Variants in KLF12 observed in about 807,000 individuals in gnomAD.
KLF12 encodes the protein Krueppel-like factor 12.
In KLF12, 9 loss-of-function variants were observed where a neutral mutation model predicts 37.8. The observed-to-expected ratio is 0.24, with a 90% CI of 0.14 to 0.42. The LOEUF (loss-of-function observed/expected upper bound fraction) is 0.42, where lower values mean the gene tolerates loss of function less well. Among genes scored for constraint, KLF12 ranks in the 10% least tolerant of loss-of-function variants. The pLI, the probability that KLF12 is intolerant of heterozygous loss-of-function variation, is 1.00. For synonymous variants in KLF12, 208 were observed against 202.1 expected (o/e 1.03, Z -0.25); for missense variants, 411 against 516.0 (o/e 0.80, Z 1.97).
the KLF12 span, among the ~76,000 whole-genome samples, chr13:74,271,875 C>A: frequency 6.6e-6 from 1 of 152,180 alleles, no homozygotes; most frequent in Admixed American, 6.5e-5. Flanking sequence ...GGTGACCAGA[C>A]TCTAGCTAGG....
At chr13:74,120,956 AC>A (rs1400608207) in intron 1 of KLF12, among the ~76,000 whole-genome samples, 1 of 152,164 alleles carries the variant, frequency 6.6e-6, no homozygotes, top group East Asian at 1.9e-4. Flanking sequence ...GATACAGGTG[AC>A]TATGAGGGAA....
In KLF12 at chr13:74,027,001, G is replaced by A. The variant is rs377167188; in HGVS notation, c.-31-31948C>T. On this transcript the variant is annotated intron_variant, in intron 1 of 7. Transcript: ENST00000377669. Reference sequence around the variant, plus strand: ...GTGCCACTGAAGTGCAAATTCACACGGTGGGGAAGCTGCAGGGCTGGAGCA... The same window carrying A: ...GTGCCACTGAAGTGCAAATTCACACAGTGGGGAAGCTGCAGGGCTGGAGCA... Among the ~76,000 whole-genome samples the A allele has an allele frequency of 1.1e-4, 17 of 152,212 alleles. No individual in the cohort carries two copies. In the East Asian group the frequency reaches 2.3e-3, roughly 21 times the overall value.
rs1223815789 is a variant in KLF12, at chr13:73,888,635, A to G, written c.124-42262T>C. ...GTAAGTAATCATCCAAAAAAATAAGAAAAAGATATATGCACATATCTTATT... is the reference window on the plus strand; with the variant it reads ...GTAAGTAATCATCCAAAAAAATAAGGAAAAGATATATGCACATATCTTATT... On this transcript the variant is annotated intron_variant, in intron 3 of 7. Coordinates refer to ENST00000377669, the MANE Select transcript of KLF12 (RefSeq NM_007249.5). 2.6e-5 allele frequency among the ~76,000 whole-genome samples: 4 copies of G among 152,368 alleles called. No homozygotes were observed. In the East Asian group the frequency reaches 7.7e-4, roughly 29 times the overall value.
chr13:74,112,556 C>A (rs1877044376), intron 1 of KLF12, among the ~76,000 whole-genome samples: 1 of 152,062 alleles, frequency 6.6e-6, no homozygotes, highest in African/African-American at 2.4e-5. Flanking sequence ...TCTATTATTG[C>A]ATCTGTATTG....
At chr13:73,702,002 A>G (rs1386874454) in intron 7 of KLF12, among the ~76,000 whole-genome samples, 1 of 152,064 alleles carries the variant, frequency 6.6e-6, no homozygotes, top group Non-Finnish European at 1.5e-5. Context: ...AAATGTTAAA[A>G]AAGACGACAT....
intron 1 of KLF12, among the ~76,000 whole-genome samples, chr13:74,041,464 C>T (rs1482817467): frequency 6.6e-6 from 1 of 152,078 alleles, no homozygotes; most frequent in South Asian, 2.1e-4. Flanking sequence ...ATGAAACTGG[C>T]TTCCAACATT....
At position 73,698,843 on chromosome 13, in the gene KLF12, GT is replaced by G. The variant is rs150265963; in HGVS notation, c.1028-3173del. Among the ~76,000 whole-genome samples, 39 of 152,144 alleles carry G rather than the reference GT, an allele frequency of 2.6e-4. No individual in the cohort carries two copies. The East Asian group carries it at 7.5e-3, about 29-fold the overall frequency. On this transcript the variant is annotated intron_variant, in intron 7 of 7. Transcript: ENST00000377669. ...TAAGAGATGGCCATCTCTGCTTTTT[GT>G]AAGCTTCGTGAATATGTTAGCTTAT... is the stretch of plus-strand genomic sequence containing the variant.
the KLF12 span, among the ~76,000 whole-genome samples, chr13:74,245,291 GTTTA>G: frequency 1.4e-5 from 2 of 139,610 alleles, no homozygotes; most frequent in South Asian, 4.7e-4. Flanking sequence ...TGGGAGATAA[GTTTA>G]TCTATCTATC....
intron 1 of KLF12, among the ~76,000 whole-genome samples, chr13:74,024,658 T>G (rs372567103): frequency 6.6e-6 from 1 of 152,220 alleles, no homozygotes; most frequent in African/African-American, 2.4e-5. Flanking sequence ...TATAAAATAA[T>G]TGACAATATT....
At chr13:74,179,802 A>G in the KLF12 span, among the ~76,000 whole-genome samples, 12 of 152,318 alleles carry the variant, frequency 7.9e-5, no homozygotes, top group Admixed American at 2.6e-4. Context: ...TTGCTTTAAT[A>G]TGTCCTAAGA....
chr13:74,150,437 G>C, the KLF12 span, among the ~76,000 whole-genome samples: 3 of 152,192 alleles, frequency 2.0e-5, no homozygotes, highest in Non-Finnish European at 4.4e-5. Context: ...TCACAAATGT[G>C]ATGTCTTTTC....
At chr13:73,994,898 A>C (rs1299316464) in intron 2 of KLF12, 92 bp downstream of exon 2, 2 of 840,360 alleles carry the variant, frequency 2.4e-6, no homozygotes, top group African/African-American at 1.7e-5. Context: ...TCGTATTCAC[A>C]CAAGAAGGTA....
chr13:73,935,690 G>A (rs923365135), intron 3 of KLF12, among the ~76,000 whole-genome samples: 2 of 151,802 alleles, frequency 1.3e-5, no homozygotes, highest in Non-Finnish European at 2.9e-5. Context: ...TGCAGTGATG[G>A]GATCTTGGCT....
chr13:74,000,516 T>C (rs1471631977), intron 1 of KLF12, among the ~76,000 whole-genome samples: 1 of 152,182 alleles, frequency 6.6e-6, no homozygotes, highest in Non-Finnish European at 1.5e-5. Context: ...TGTCCCCCAT[T>C]TCCAGTTTTA....
At chr13:73,703,216 A>G (rs948067612) in intron 7 of KLF12, among the ~76,000 whole-genome samples, 4 of 152,004 alleles carry the variant, frequency 2.6e-5, no homozygotes, top group Admixed American at 1.3e-4. Flanking sequence ...AATAATACCC[A>G]CTCAATAAAG....
chr13:73,826,236 G>T (rs1883838086), intron 4 of KLF12, among the ~76,000 whole-genome samples: 1 of 151,838 alleles, frequency 6.6e-6, no homozygotes, highest in South Asian at 2.1e-4. Flanking sequence ...GCCTCCCAAA[G>T]TGCTGGGATT....
At position 73,731,536 on chromosome 13, in the gene KLF12, C is replaced by CAAAAAAA. The variant is rs66701744; in HGVS notation, c.870-16018_870-16012dup. On this transcript the variant is annotated intron_variant, in intron 6 of 7. Transcript: ENST00000377669. ...CGGGTCCATGGTAGAGGAAATTAGA[C>CAAAAAAA]AAAAAAAAAAAAAAAAAGCATAGTT... Among the ~76,000 whole-genome samples, 115 of 103,480 alleles carry CAAAAAAA rather than the reference C, an allele frequency of 1.1e-3. 6 individuals are homozygous for CAAAAAAA. The highest frequency in any genetic ancestry group is 1.1e-3 in the Non-Finnish European group (60 of 54,192). 67.9% of individuals were successfully genotyped at this position (103,480 alleles called of 152,430 possible).
chr13:73,914,814 T>G (rs1888741052), intron 3 of KLF12, among the ~76,000 whole-genome samples: 1 of 152,026 alleles, frequency 6.6e-6, no homozygotes, highest in Non-Finnish European at 1.5e-5. Context: ...GTTTTCATCT[T>G]TTTTTTTCCT....
chr13:73,931,756 G>A (rs1240047185), intron 3 of KLF12, among the ~76,000 whole-genome samples: 1 of 151,240 alleles, frequency 6.6e-6, no homozygotes, highest in Non-Finnish European at 1.5e-5. Flanking sequence ...ATATATCTAT[G>A]ATCAGAACCA....
Sources: allele counts gnomAD v4.1 joint callset (sites outside exome capture counted in the v4.1 genomes callset), GRCh38; gene constraint gnomAD v4.1.1; transcripts MANE v1.5; gene names NCBI Gene and HGNC (gene_info 2026-07-23, HGNC 2026-07-21).